C12orf42: variants seen among roughly 807,000 people sequenced by gnomAD.
C12orf42 encodes the protein chromosome 12 open reading frame 42.
In C12orf42, 25 loss-of-function variants were observed where a neutral mutation model predicts 21.6. The observed-to-expected ratio is 1.16, with a 90% CI of 0.84 to 1.62. The LOEUF is 1.62. C12orf42 is among the 40% of genes most tolerant of loss of function. The pLI, the probability that C12orf42 is intolerant of heterozygous loss-of-function variation, is 0.00. For synonymous variants in C12orf42, 174 were observed against 175.0 expected (o/e 0.99, Z 0.05); for missense variants, 483 against 459.3 (o/e 1.05, Z -0.47).
chr12:103,393,132 T>C (rs1383550541), intron 3 of C12orf42, among the ~76,000 whole-genome samples: 1 of 152,030 alleles, frequency 6.6e-6, no homozygotes, highest in Admixed American at 6.6e-5. Context: ...TGCATTGCTA[T>C]AAAGAAATAC....
chr12:103,329,483 C>T lies in C12orf42; in HGVS notation c.260-23138G>A, dbSNP rs1188281236. 2.0e-5 allele frequency among the ~76,000 whole-genome samples: 3 copies of T among 151,972 alleles called. No homozygotes were observed. In the East Asian group the frequency reaches 5.8e-4, roughly 29 times the overall value. On this transcript the variant is annotated intron_variant, in intron 4 of 5. Transcript: ENST00000548883. The stretch of plus-strand genomic sequence containing the variant: ...TGATAGGTGCAGCAAACCCCCCTGG[C>T]ATGTGTATACCTATGTAACAAATCT...
intron 2 of C12orf42, among the ~76,000 whole-genome samples, chr12:103,425,696 G>A (rs1158270664): frequency 2.0e-5 from 3 of 148,902 alleles, no homozygotes; most frequent in Non-Finnish European, 4.4e-5. Context: ...TGTGAGCTAC[G>A]CCCACAGCCG....
intron 4 of C12orf42, chr12:103,368,027 T>C: frequency 7.9e-7 from 1 of 1,258,438 alleles, no homozygotes; most frequent in Admixed American, 2.3e-5. Flanking sequence ...TTATCAGTTG[T>C]CCTAAAAACT....
intron 2 of C12orf42, among the ~76,000 whole-genome samples, chr12:103,453,038 A>G (rs1412047839): frequency 6.6e-6 from 1 of 151,636 alleles, no homozygotes; most frequent in African/African-American, 2.4e-5. Context: ...AAAAAAAAAG[A>G]AAAGGAAATT....
chr12:103,457,453 T>C (rs548010011), intron 2 of C12orf42, among the ~76,000 whole-genome samples: 2 of 152,270 alleles, frequency 1.3e-5, no homozygotes, highest in East Asian at 3.9e-4. Context: ...ATGAAGCTAA[T>C]AATGCCCTGT....
At chr12:103,482,005 A>G (rs1008124066) in intron 1 of C12orf42, among the ~76,000 whole-genome samples, 1 of 152,078 alleles carries the variant, frequency 6.6e-6, no homozygotes, top group Non-Finnish European at 1.5e-5. Context: ...TGGACCACCC[A>G]CTGCCAAATT....
the C12orf42 span, among the ~76,000 whole-genome samples, chr12:103,554,812 T>C: frequency 1.3e-5 from 2 of 152,102 alleles, no homozygotes; most frequent in African/African-American, 2.4e-5. Context: ...ACTAAACTGT[T>C]AGAAACCATG....
At chr12:103,312,836 C>T (rs946451403) in intron 4 of C12orf42, among the ~76,000 whole-genome samples, 1 of 152,208 alleles carries the variant, frequency 6.6e-6, no homozygotes. Context: ...AACAACTTCT[C>T]ATTCCTTTTG....
chr12:103,383,290 G>A (rs1254057877), intron 3 of C12orf42, among the ~76,000 whole-genome samples: 2 of 152,030 alleles, frequency 1.3e-5, no homozygotes, highest in African/African-American at 4.8e-5. Context: ...TTTTAGTAGA[G>A]ACAGGGTTTC....
chr12:103,436,568 A>C (rs919562013), intron 2 of C12orf42, among the ~76,000 whole-genome samples: 4 of 150,442 alleles, frequency 2.7e-5, no homozygotes, highest in African/African-American at 4.9e-5. Flanking sequence ...TCTACCAAGC[A>C]AATGGAAAAC....
intron 4 of C12orf42, among the ~76,000 whole-genome samples, chr12:103,335,622 A>T (rs569271059): frequency 6.6e-6 from 1 of 152,224 alleles, no homozygotes; most frequent in African/African-American, 2.4e-5. Flanking sequence ...CTGCAGACAT[A>T]CAAACCCTGA....
intron 3 of C12orf42, among the ~76,000 whole-genome samples, chr12:103,384,183 C>T (rs1233768907): frequency 1.3e-5 from 2 of 152,068 alleles, no homozygotes; most frequent in Non-Finnish European, 2.9e-5. Context: ...GCTATGTAAG[C>T]ACTGAGGAAT....
At chr12:103,491,599 G>A (rs545044249) in intron 1 of C12orf42, among the ~76,000 whole-genome samples, 8 of 152,314 alleles carry the variant, frequency 5.3e-5, no homozygotes, top group African/African-American at 1.7e-4. Flanking sequence ...GACATGGCAG[G>A]CCTTGAGCTC....
chr12:103,420,809 G>A (rs939079091), intron 2 of C12orf42, among the ~76,000 whole-genome samples: 6 of 152,214 alleles, frequency 3.9e-5, no homozygotes, highest in East Asian at 1.9e-4. Context: ...ATGAGTCACC[G>A]CGCCCAGCCT....
At chr12:103,353,231 T>C (rs761394730) in intron 4 of C12orf42, among the ~76,000 whole-genome samples, 3 of 150,798 alleles carry the variant, frequency 2.0e-5, no homozygotes, top group Admixed American at 6.6e-5. Flanking sequence ...AATGGACTGA[T>C]GGCCGTGGTA....
downstream of C12orf42, among the ~76,000 whole-genome samples, chr12:103,263,733 GA>G (rs2035026576): frequency 6.6e-6 from 1 of 152,036 alleles, no homozygotes; most frequent in Non-Finnish European, 1.5e-5. Context: ...ATATAATCTG[GA>G]CTCTCATATG....
chr12:103,049,387 A>G, the C12orf42 span, among the ~76,000 whole-genome samples: 16 of 152,272 alleles, frequency 1.1e-4, no homozygotes, highest in African/African-American at 3.4e-4. Flanking sequence ...TTCAAAACGC[A>G]TCTGAATTTG....
At position 103,328,655 on chromosome 12, in the gene C12orf42, T is replaced by C. The variant is rs77792060; in HGVS notation, c.260-22310A>G. ...AAAGCATTTATTGAACAGAAAACAT[T>C]TTTATTCTCTAGAAAGATAAACTTT... On this transcript the variant is annotated intron_variant, in intron 4 of 5. Coordinates refer to ENST00000548883, the MANE Select transcript of C12orf42 (RefSeq NM_198521.5). Among the ~76,000 whole-genome samples, 333 of 152,334 alleles carry C rather than the reference T, an allele frequency of 2.2e-3. 2 individuals are homozygous for C. Among genetic ancestry groups the C allele is most frequent in the Middle Eastern group, 3.4e-3 (1 of 294 alleles).
chr12:103,403,542 G>A (rs1309504602), intron 2 of C12orf42, among the ~76,000 whole-genome samples: 2 of 152,142 alleles, frequency 1.3e-5, no homozygotes, highest in Non-Finnish European at 2.9e-5. Flanking sequence ...GACAAGCCAG[G>A]GCTCAAATTT....
Sources: gnomAD v4.1 joint callset for allele counts (sites outside exome capture counted in the v4.1 genomes callset) on GRCh38, gnomAD v4.1.1 for gene constraint, MANE v1.5 for transcripts, NCBI Gene and HGNC (gene_info 2026-07-23, HGNC 2026-07-21) for gene names.